The following CLYBL variants were observed in gnomAD, a reference collection of about 807,000 sequenced individuals.
The protein encoded by CLYBL is citramalyl-CoA lyase, mitochondrial.
A neutral mutation model predicts 38.9 loss-of-function variants in CLYBL; 31 were observed. That is an observed-to-expected ratio of 0.80 (90% CI 0.60 to 1.08). CLYBL has a LOEUF of 1.08. Among genes scored for constraint, CLYBL ranks in the 50% least tolerant of loss-of-function variants. The pLI is 0.00. For synonymous variants in CLYBL, 171 were observed against 158.6 expected (o/e 1.08, Z -0.59); for missense variants, 434 against 411.6 (o/e 1.05, Z -0.47).
intron 2 of CLYBL, among the ~76,000 whole-genome samples, chr13:99,842,988 A>G (rs2051120900): frequency 6.6e-6 from 1 of 152,130 alleles, no homozygotes; most frequent in Non-Finnish European, 1.5e-5. Context: ...TATGATTTCA[A>G]TACTCACCAA....
intron 1 of CLYBL, among the ~76,000 whole-genome samples, chr13:99,632,765 A>G (rs1002404166): frequency 4.6e-5 from 7 of 152,050 alleles, no homozygotes; most frequent in African/African-American, 9.7e-5. Flanking sequence ...AACAAAAACA[A>G]AAAAACCCCA....
At chr13:99,661,269 A>G (rs192669222) in intron 1 of CLYBL, among the ~76,000 whole-genome samples, 8 of 152,312 alleles carry the variant, frequency 5.3e-5, no homozygotes, top group African/African-American at 1.7e-4. Context: ...AAGAATTTCC[A>G]GAAAATTGTA....
At chr13:99,724,601 C>T (rs534404156) in intron 1 of CLYBL, among the ~76,000 whole-genome samples, 1 of 152,040 alleles carries the variant, frequency 6.6e-6, no homozygotes, top group South Asian at 2.1e-4. Context: ...GAAACCAGCT[C>T]CTCTCTGCAT....
At chr13:99,672,479 A>G (rs1324242482) in intron 1 of CLYBL, among the ~76,000 whole-genome samples, 1 of 152,030 alleles carries the variant, frequency 6.6e-6, no homozygotes, top group African/African-American at 2.4e-5. Context: ...GGTCTATAAT[A>G]AATATTATAC....
chr13:99,902,062 T>C (rs1428833463), downstream of CLYBL, among the ~76,000 whole-genome samples: 1 of 152,244 alleles, frequency 6.6e-6, no homozygotes, highest in East Asian at 1.9e-4. Flanking sequence ...CCTAGAGTGA[T>C]GCTTAGAAAT....
chr13:99,777,496 CTTT>C (rs200830971), intron 2 of CLYBL, among the ~76,000 whole-genome samples: 1 of 143,246 alleles, frequency 7.0e-6, no homozygotes. Context: ...CTTTTCTTTT[CTTT>C]TTTTTTTTTT....
At chr13:99,830,600 A>G (rs1273040022) in intron 2 of CLYBL, among the ~76,000 whole-genome samples, 1 of 152,202 alleles carries the variant, frequency 6.6e-6, no homozygotes, top group Non-Finnish European at 1.5e-5. Flanking sequence ...AGTCTGTGAC[A>G]GTCCCTAGCT....
At chr13:99,668,528 G>A (rs1469217149) in intron 1 of CLYBL, among the ~76,000 whole-genome samples, 2 of 149,292 alleles carry the variant, frequency 1.3e-5, no homozygotes, top group African/African-American at 2.5e-5. Flanking sequence ...GGAGGTTGCA[G>A]TGAGCTGAGA....
chr13:99,675,245 A>C (rs997029563), intron 1 of CLYBL, among the ~76,000 whole-genome samples: 2 of 152,184 alleles, frequency 1.3e-5, no homozygotes, highest in Non-Finnish European at 2.9e-5. Context: ...TTCTACTGTC[A>C]CATACATAAA....
rs571077616 is a variant in CLYBL at position 99,744,967 on chromosome 13, AACAACCTTTCAATCTCAAGTG to A, written c.63-27855_63-27835del. Among the ~76,000 whole-genome samples, 50 of 152,350 alleles carry A rather than the reference AACAACCTTTCAATCTCAAGTG, an allele frequency of 3.3e-4. 1 individual carries two copies. In the South Asian group the frequency reaches 9.1e-3, roughly 28 times the overall value. The stretch of plus-strand genomic sequence containing the variant: ...TCCATTTGGTGCCATGAAAACCTGC[AACAACCTTTCAATCTCAAGTG>A]AGACCACTTGAGATTGTCACCCAAC... On this transcript the variant is annotated intron_variant, in intron 1 of 8. Coordinates refer to ENST00000339105, the MANE Select transcript of CLYBL (RefSeq NM_206808.5).
At chr13:99,811,610 G>A (rs1594197478) in intron 2 of CLYBL, among the ~76,000 whole-genome samples, 4 of 152,258 alleles carry the variant, frequency 2.6e-5, no homozygotes, top group African/African-American at 9.6e-5. Context: ...TTGGGGACCT[G>A]GTGGCAGGAG....
At chr13:99,815,656 C>T (rs1202273153) in intron 2 of CLYBL, among the ~76,000 whole-genome samples, 3 of 152,154 alleles carry the variant, frequency 2.0e-5, no homozygotes, top group Admixed American at 6.5e-5. Flanking sequence ...GAGGCCGAGG[C>T]AGGCGGATCA....
chr13:99,904,661 C>T (rs1356790770), intron 8 of CLYBL, among the ~76,000 whole-genome samples: 1 of 151,790 alleles, frequency 6.6e-6, no homozygotes, highest in Non-Finnish European at 1.5e-5. Context: ...GTGCTTCAAA[C>T]TAATATTCCA....
At chr13:99,669,773 C>G (rs895520797) in intron 1 of CLYBL, among the ~76,000 whole-genome samples, 2 of 152,164 alleles carry the variant, frequency 1.3e-5, no homozygotes, top group African/African-American at 4.8e-5. Flanking sequence ...GACAGGGTTC[C>G]TAGAACTGCA....
chr13:99,697,680 A>G (rs2048000752), intron 1 of CLYBL, among the ~76,000 whole-genome samples: 1 of 128,108 alleles, frequency 7.8e-6, no homozygotes, highest in Admixed American at 8.3e-5. Flanking sequence ...TTTTTTTGAG[A>G]CAGGGTCTCA....
chr13:99,696,180 G>A (rs574540960), intron 1 of CLYBL, among the ~76,000 whole-genome samples: 6 of 151,970 alleles, frequency 3.9e-5, no homozygotes, highest in African/African-American at 7.2e-5. Flanking sequence ...TAATAAATGT[G>A]TGGACAAAGT....
At chr13:99,773,374 G>C (rs1459944772) in intron 2 of CLYBL, among the ~76,000 whole-genome samples, 3 of 152,216 alleles carry the variant, frequency 2.0e-5, no homozygotes, top group Non-Finnish European at 4.4e-5. Flanking sequence ...ATACAGGCCT[G>C]TTAGGAACTG....
At chr13:99,620,802 GAGAGAA>G (rs1210489125) in intron 1 of CLYBL, among the ~76,000 whole-genome samples, 27 of 141,684 alleles carry the variant, frequency 1.9e-4, no homozygotes, top group Admixed American at 3.2e-4. Context: ...AAAAGAGAGA[GAGAGAA>G]AGAGAGAGAG....
rs915218371 is a variant in CLYBL at position 99,771,216 on chromosome 13, A to C, written c.63-1608A>C. Among the ~76,000 whole-genome samples the C allele has an allele frequency of 5.3e-5, 8 of 151,514 alleles. No homozygotes were observed. In the East Asian group the frequency reaches 1.4e-3, roughly 26 times the overall value. ...ATGCCTGGCTAATTTTTGCTTTTTG[A>C]GTTTTTTTCCTGATAGAGCCGAGAT... On this transcript the variant is annotated intron_variant, in intron 1 of 8. Coordinates refer to ENST00000339105, the MANE Select transcript of CLYBL (RefSeq NM_206808.5).
Sources: gnomAD v4.1 joint callset for allele counts (sites outside exome capture counted in the v4.1 genomes callset) on GRCh38, gnomAD v4.1.1 for gene constraint, MANE v1.5 for transcripts, NCBI Gene and HGNC (gene_info 2026-07-23, HGNC 2026-07-21) for gene names.